The following ATP9A variants were observed in gnomAD, a reference collection of about 807,000 sequenced individuals.
ATP9A encodes ATPase phospholipid transporting 9A.
Under a neutral mutation model 144.1 loss-of-function variants are expected in ATP9A, and 52 were observed. The ratio of observed to expected loss-of-function variants is 0.36; its 90% CI spans 0.29 to 0.45. The LOEUF (loss-of-function observed/expected upper bound fraction) is 0.45, where lower values mean the gene tolerates loss of function less well. Ranked by LOEUF, ATP9A falls within the 20% of genes least tolerant of loss-of-function variation. ATP9A has a pLI of 1.00. For synonymous variants in ATP9A, 582 were observed against 557.4 expected (o/e 1.04, Z -0.62); for missense variants, 947 against 1,392.7 (o/e 0.68, Z 5.09).
At chr20:51,748,944 T>TAGAC (rs1161622264) in intron 1 of ATP9A, among the ~76,000 whole-genome samples, 7,656 of 100,636 alleles carry the variant, frequency 0.076, 253 homozygotes, top group Admixed American at 0.14. Context: ...GATAGATAGA[T>TAGAC]AGATAGACAG....
intron 1 of ATP9A, among the ~76,000 whole-genome samples, chr20:51,760,562 A>C (rs572461349): frequency 1.1e-3 from 166 of 151,776 alleles, no homozygotes; most frequent in Non-Finnish European, 1.8e-3. Context: ...CCCCGTCTCT[A>C]CTAAAACTAC....
chr20:51,704,095 G>C (rs2077605266), intron 4 of ATP9A, among the ~76,000 whole-genome samples: 1 of 148,206 alleles, frequency 6.7e-6, no homozygotes, highest in African/African-American at 2.5e-5. Context: ...AGAAAAGACT[G>C]TTATTTGAAA....
chr20:51,676,007 C>T, intron 10 of ATP9A, 125 bp downstream of exon 10: 1 of 655,094 alleles, frequency 1.5e-6, no homozygotes. Flanking sequence ...CACACATATG[C>T]ATAAAAAGAT....
intron 1 of ATP9A, among the ~76,000 whole-genome samples, chr20:51,760,938 G>A (rs1328340327): frequency 1.3e-5 from 2 of 150,326 alleles, no homozygotes; most frequent in African/African-American, 4.9e-5. Context: ...CTGAAGCAGA[G>A]AATTGCTTAA....
chr20:51,640,253 A>G (rs2122747971), intron 14 of ATP9A, among the ~76,000 whole-genome samples: 1 of 152,302 alleles, frequency 6.6e-6, no homozygotes, highest in South Asian at 2.1e-4. Flanking sequence ...CACACACTGC[A>G]CTGGGGGAGT....
chr20:51,768,309 G>C lies in ATP9A; in HGVS notation c.61C>G (p.Arg21Gly), dbSNP rs1435810983. ...GGGCCCAGGCCCACTCACCCGGCGC[G>C]GGGCCTGCTGTCCATCCGCTTCTTC... The part of the protein sequence containing the change: ...RQKKRMDSRP[R>G]AGCCEWLRCC... Residue 21 changes from arginine (R) to glycine (G), a missense_variant, in exon 1 of 28, where the codon CGC becomes GGC. Coordinates refer to ENST00000338821, the MANE Select transcript of ATP9A (RefSeq NM_006045.3). 1.5e-6 allele frequency: 2 copies of C among 1,303,476 alleles called. No individual in the cohort carries two copies. Among genetic ancestry groups the C allele is most frequent in the East Asian group, 6.4e-5 (2 of 31,276 alleles). The allele number at this position is 1,303,476 out of a possible 1,614,324, so 80.7% of individuals were successfully genotyped here. A position where few individuals can be genotyped will look rare whatever the true frequency, so the allele number is the denominator to read the frequency against.
chr20:51,630,290 A>G (rs559525844), intron 15 of ATP9A, among the ~76,000 whole-genome samples: 51 of 152,330 alleles, frequency 3.3e-4, no homozygotes, highest in African/African-American at 1.2e-3. Context: ...GGCAGTAAAG[A>G]TAAGCAAGAA....
At chr20:51,716,230 A>G (rs1045629538) in intron 3 of ATP9A, among the ~76,000 whole-genome samples, 5 of 152,174 alleles carry the variant, frequency 3.3e-5, no homozygotes, top group African/African-American at 1.2e-4. Context: ...GTCATCATAT[A>G]ATGTTACAGA....
chr20:51,688,662 T>G (rs1280121664), intron 9 of ATP9A, among the ~76,000 whole-genome samples: 1 of 151,934 alleles, frequency 6.6e-6, no homozygotes, highest in Non-Finnish European at 1.5e-5. Flanking sequence ...CTCTTGGTGT[T>G]TAAACACAGA....
chr20:51,749,824 A>G (rs1425159175), intron 1 of ATP9A, among the ~76,000 whole-genome samples: 1 of 151,858 alleles, frequency 6.6e-6, no homozygotes, highest in African/African-American at 2.4e-5. Flanking sequence ...AAACCATGTG[A>G]CTCTGACTCA....
chr20:51,606,324 A>G (rs2077163376), intron 26 of ATP9A, among the ~76,000 whole-genome samples: 1 of 152,248 alleles, frequency 6.6e-6, no homozygotes, highest in African/African-American at 2.4e-5. Context: ...GTACCTGTCC[A>G]GATATATAGA....
At chr20:51,765,533 C>G (rs2077899710) in intron 1 of ATP9A, among the ~76,000 whole-genome samples, 1 of 150,412 alleles carries the variant, frequency 6.6e-6, no homozygotes, top group Non-Finnish European at 1.5e-5. Context: ...TGCCTGTAAT[C>G]CCAGCTACTC....
chr20:51,658,129 A>G (rs2077394804), intron 13 of ATP9A, among the ~76,000 whole-genome samples: 1 of 152,228 alleles, frequency 6.6e-6, no homozygotes, highest in South Asian at 2.1e-4. Context: ...GGACACCTGC[A>G]GCAAGTGGTG....
chr20:51,674,496 A>C (rs950483316), intron 10 of ATP9A, among the ~76,000 whole-genome samples, 183 bp from the exon 11 acceptor site: 1 of 152,194 alleles, frequency 6.6e-6, no homozygotes, highest in Non-Finnish European at 1.5e-5. Context: ...ATCGATCCTC[A>C]TATCTTTGGT....
At chr20:51,712,136 G>A (rs778918779) in intron 4 of ATP9A, among the ~76,000 whole-genome samples, 93 of 150,204 alleles carry the variant, frequency 6.2e-4, no homozygotes, top group Admixed American at 1.1e-3. Context: ...GCAGTGGCGC[G>A]GTCTATGCTC....
chr20:51,642,725 CCAAAAAAAAAAAAAAAAAA>C lies in ATP9A; in HGVS notation c.1507-3240_1507-3222del, dbSNP rs1213661975. 6.9e-4 allele frequency among the ~76,000 whole-genome samples: 45 copies of C among 65,576 alleles called. 2 individuals carry two copies. In the East Asian group the frequency reaches 0.011, roughly 16 times the overall value. The allele number at this position is 65,576 out of a possible 152,430, so 43.0% of individuals were successfully genotyped here. On this transcript the variant is annotated intron_variant, in intron 14 of 27. Coordinates refer to ENST00000338821, the MANE Select transcript of ATP9A (RefSeq NM_006045.3). Reference sequence around the variant, plus strand: ...TGGGTGACTGAGTGAGACTCTGTCTCCAAAAAAAAAAAAAAAAAAAAAAAAAAAAAAAAAAAAAACCTGG... The same window carrying C: ...TGGGTGACTGAGTGAGACTCTGTCTCAAAAAAAAAAAAAAAAAAAACCTGG...
intron 1 of ATP9A, among the ~76,000 whole-genome samples, chr20:51,738,033 T>C (rs2077769820): frequency 6.6e-6 from 1 of 151,456 alleles, no homozygotes; most frequent in African/African-American, 2.4e-5. Flanking sequence ...TAAAACATTT[T>C]TTTTTTTTTT....
chr20:51,638,121 A>ATATATATATC (rs2077302889), intron 15 of ATP9A, among the ~76,000 whole-genome samples: 3 of 103,000 alleles, frequency 2.9e-5, no homozygotes, highest in African/African-American at 4.1e-5. Context: ...ATATATATAT[A>ATATATATATC]TATCTCATAG....
chr20:51,644,127 T>A (rs2077331726), intron 14 of ATP9A, among the ~76,000 whole-genome samples: 1 of 151,628 alleles, frequency 6.6e-6, no homozygotes, highest in East Asian at 1.9e-4. Context: ...AGAACAAGAC[T>A]CTGCCTCAAA....
Sources: allele counts gnomAD v4.1 joint callset (sites outside exome capture counted in the v4.1 genomes callset), GRCh38; gene constraint gnomAD v4.1.1; transcripts MANE v1.5; gene names NCBI Gene and HGNC (gene_info 2026-07-23, HGNC 2026-07-21).